The following DYNLT2B variants were observed in gnomAD, a reference collection of about 807,000 sequenced individuals.
DYNLT2B encodes the protein dynein light chain Tctex-type 2B.
In DYNLT2B, 14 loss-of-function variants were observed where a neutral mutation model predicts 19.5. The ratio of observed to expected loss-of-function variants is 0.72; its 90% confidence interval spans 0.47 to 1.12. DYNLT2B has a LOEUF of 1.12. Among genes scored for constraint, DYNLT2B ranks in the 50% most tolerant of loss-of-function variants. The pLI is 0.00. For missense variants in DYNLT2B, 133 were observed against 174.7 expected, an observed-to-expected ratio of 0.76 and a Z score of 1.35; for synonymous variants, 70 against 59.7, an observed-to-expected ratio of 1.17 and a Z score of -0.79.
chr3:196,311,845 G>A (rs757584874), intron 2 of DYNLT2B, among the ~76,000 whole-genome samples: 11 of 151,930 alleles, frequency 7.2e-5, no homozygotes, highest in Non-Finnish European at 1.3e-4. Flanking sequence ...GCCGAGACGG[G>A]TGGGTCACCT....
intron 3 of DYNLT2B, among the ~76,000 whole-genome samples, chr3:196,297,452 G>A (rs1023420928): frequency 6.6e-6 from 1 of 152,126 alleles, no homozygotes. Flanking sequence ...TTGAACCCAG[G>A]AGGTGGAGGC....
intron 3 of DYNLT2B, among the ~76,000 whole-genome samples, chr3:196,300,270 C>A (rs1327811492): frequency 6.6e-6 from 1 of 152,160 alleles, no homozygotes; most frequent in East Asian, 1.9e-4. Context: ...TTTGTTACGG[C>A]AGCAACAGGA....
At chr3:196,310,531 C>T (rs148359178) in intron 2 of DYNLT2B, among the ~76,000 whole-genome samples, 1,529 of 150,254 alleles carry the variant, frequency 0.01, 21 homozygotes, top group African/African-American at 0.035. Flanking sequence ...TGGGTTCAAG[C>T]GATTCTCCCA....
intron 4 of DYNLT2B, among the ~76,000 whole-genome samples, chr3:196,295,489 A>G (rs1330240190): frequency 2.0e-5 from 3 of 151,996 alleles, no homozygotes; most frequent in Non-Finnish European, 4.4e-5. Context: ...ATTCCTCTTT[A>G]TTTTTGCTTA....
intron 3 of DYNLT2B, among the ~76,000 whole-genome samples, chr3:196,302,804 C>T (rs1726388862): frequency 6.6e-6 from 1 of 151,982 alleles, no homozygotes; most frequent in Admixed American, 6.6e-5. Flanking sequence ...CCAACCTAAC[C>T]GACTCCATCT....
intron 2 of DYNLT2B, among the ~76,000 whole-genome samples, chr3:196,311,661 TTTTA>T (rs148137456): frequency 0.37 from 55,160 of 147,444 alleles, 11,075 homozygotes; most frequent in East Asian, 0.76. Context: ...ATGAGGATTA[TTTTA>T]TTTATTTATT....
chr3:196,291,228 C>T lies in DYNLT2B; in HGVS notation c.*99G>A. On this transcript the variant is annotated 3_prime_UTR_variant, in exon 5 of 5. Transcript: ENST00000325318. ...CCTAAAACACAACAGATTCAGTTGT[C>T]AAACTACTAACATCTTTATTTTGTC... is the stretch of plus-strand genomic sequence containing the variant. 8.9e-7 allele frequency: 1 copy of T among 1,120,500 alleles called. No homozygotes were observed. The highest frequency in any genetic ancestry group is 1.3e-6 in the Non-Finnish European group (1 of 786,542). The allele number at this position is 1,120,500 out of a possible 1,614,324, so 69.4% of individuals were successfully genotyped here.
intron 2 of DYNLT2B, among the ~76,000 whole-genome samples, chr3:196,307,495 G>A (rs1051292257): frequency 2.0e-5 from 3 of 151,852 alleles, no homozygotes; most frequent in African/African-American, 7.3e-5. Flanking sequence ...TAGAAAAGGT[G>A]TTTCACCATG....
intron 3 of DYNLT2B, among the ~76,000 whole-genome samples, chr3:196,300,923 G>A (rs1159229246): frequency 6.6e-6 from 1 of 151,844 alleles, no homozygotes. Context: ...GTTGGGCGTG[G>A]TGGCTCATGC....
At chr3:196,317,790 C>T (rs867149399) in intron 1 of DYNLT2B, among the ~76,000 whole-genome samples, 19 of 152,318 alleles carry the variant, frequency 1.2e-4, no homozygotes, top group Middle Eastern at 6.8e-3. Context: ...ACCATTCCCG[C>T]CGCGCCACCC....
chr3:196,300,370 T>C (rs1726320850), intron 3 of DYNLT2B, among the ~76,000 whole-genome samples: 1 of 152,040 alleles, frequency 6.6e-6, no homozygotes, highest in African/African-American at 2.4e-5. Flanking sequence ...CTGTTGGAGG[T>C]AGAGGCCTGC....
At chr3:196,307,346 G>A (rs1184628386) in intron 2 of DYNLT2B, among the ~76,000 whole-genome samples, 1 of 152,020 alleles carries the variant, frequency 6.6e-6, no homozygotes, top group African/African-American at 2.4e-5. Flanking sequence ...CTGTTGCCCA[G>A]GCTGGAGTAC....
chr3:196,304,801 A>C (rs918814451), intron 3 of DYNLT2B, among the ~76,000 whole-genome samples: 1 of 152,194 alleles, frequency 6.6e-6, no homozygotes, highest in African/African-American at 2.4e-5. Context: ...TACCATCTTA[A>C]ATTGAATAAT....
At chr3:196,294,893 C>CG in intron 4 of DYNLT2B, among the ~76,000 whole-genome samples, 1 of 151,978 alleles carries the variant, frequency 6.6e-6, no homozygotes, top group Non-Finnish European at 1.5e-5. Context: ...CACCACCACA[C>CG]CCGGCTAATT....
At chr3:196,295,808 G>GACC (rs1398622738) in intron 4 of DYNLT2B, among the ~76,000 whole-genome samples, 198 bp downstream of exon 4, 2 of 152,172 alleles carry the variant, frequency 1.3e-5, no homozygotes, top group Non-Finnish European at 2.9e-5. Context: ...ATGTAAACAT[G>GACC]TAAGTTTCCT....
intron 3 of DYNLT2B, among the ~76,000 whole-genome samples, chr3:196,304,916 C>G (rs1280055143): frequency 6.6e-6 from 1 of 152,162 alleles, no homozygotes; most frequent in Non-Finnish European, 1.5e-5. Flanking sequence ...GGGTCTCACT[C>G]TGTCACCCAG....
In DYNLT2B at chr3:196,316,890, A is replaced by AGTGTGT. The variant is rs377469506; in HGVS notation, c.114-665_114-660dup. On this transcript the variant is annotated intron_variant, in intron 1 of 4. Coordinates refer to ENST00000325318, the MANE Select transcript of DYNLT2B (RefSeq NM_152773.5). The stretch of plus-strand genomic sequence containing the variant: ...GGCCCGTGAGCCTGACATTTTTTTC[A>AGTGTGT]GTGTGTGTGTGTGTGTGTTGTGTGG... Among the ~76,000 whole-genome samples, 130 of 74,224 alleles carry AGTGTGT rather than the reference A, an allele frequency of 1.8e-3. 4 individuals carry two copies. Among genetic ancestry groups the AGTGTGT allele is most frequent in the South Asian group, 4.2e-3 (7 of 1,654 alleles). The allele number at this position is 74,224 out of a possible 152,430, so 48.7% of individuals were successfully genotyped here. A position where few individuals can be genotyped will look rare whatever the true frequency, so the allele number is the denominator to read the frequency against.
intron 1 of DYNLT2B, among the ~76,000 whole-genome samples, chr3:196,316,890 A>AGTGTGTGT (rs377469506): frequency 0.015 from 1,129 of 74,214 alleles, 146 homozygotes; most frequent in African/African-American, 0.03. Flanking sequence ...CATTTTTTTC[A>AGTGTGTGT]GTGTGTGTGT....
At chr3:196,291,513 C>CT (rs777358712) in intron 4 of DYNLT2B, 139 bp from the exon 5 acceptor site, 31 of 787,444 alleles carry the variant, frequency 3.9e-5, no homozygotes, top group Admixed American at 1.2e-4. Context: ...GGGTGTCACT[C>CT]TATCACCCAG....
Sources: allele counts gnomAD v4.1 joint callset (sites outside exome capture counted in the v4.1 genomes callset), GRCh38; gene constraint gnomAD v4.1.1; transcripts MANE v1.5; gene names NCBI Gene and HGNC (gene_info 2026-07-23, HGNC 2026-07-21).